The following SORCS3 variants were observed in gnomAD, a reference collection of about 807,000 sequenced individuals.
SORCS3 encodes the protein VPS10 domain-containing receptor SorCS3.
In SORCS3, 57 loss-of-function variants were observed where a neutral mutation model predicts 146.3. That is an observed-to-expected ratio of 0.39 (90% CI 0.31 to 0.49). The LOEUF (loss-of-function observed/expected upper bound fraction) is 0.49, where lower values mean the gene tolerates loss of function less well. Among genes scored for constraint, SORCS3 ranks in the 20% least tolerant of loss-of-function variants. SORCS3 has a pLI of 0.92. For missense variants in SORCS3, 1,341 were observed against 1,575.5 expected (o/e 0.85, Z 2.52); for synonymous variants, 653 against 618.5 (o/e 1.06, Z -0.83).
rs147832055 is a variant in SORCS3, at chr10:104,905,209, T to G, written c.696-10624T>G. On this transcript the variant is annotated intron_variant, in intron 2 of 26. Coordinates refer to ENST00000369701, the MANE Select transcript of SORCS3 (RefSeq NM_014978.3). Reference sequence around the variant, plus strand: ...AGAGAGCAGAGCAATCACTCCATAATTTTTACAAAGGAAGAGATAAATGAA... The same window carrying G: ...AGAGAGCAGAGCAATCACTCCATAAGTTTTACAAAGGAAGAGATAAATGAA... Among the ~76,000 whole-genome samples, 846 of 152,282 alleles carry G rather than the reference T, an allele frequency of 5.6e-3. 14 individuals carry two copies. Among genetic ancestry groups the G allele is most frequent in the African/African-American group, 0.019 (786 of 41,534 alleles).
At position 104,945,236 on chromosome 10, in the gene SORCS3, C is replaced by CTGTTT. The variant is rs10528591; in HGVS notation, c.795+29331_795+29335dup. 5.6e-3 allele frequency among the ~76,000 whole-genome samples: 848 copies of CTGTTT among 151,444 alleles called. 6 individuals are homozygous for CTGTTT. The highest frequency in any genetic ancestry group is 0.016 in the African/African-American group (668 of 41,016). On this transcript the variant is annotated intron_variant, in intron 3 of 26. Coordinates refer to ENST00000369701, the MANE Select transcript of SORCS3 (RefSeq NM_014978.3). The stretch of plus-strand genomic sequence containing the variant: ...GGGTTTCTGAGGTGTTGCTAATTTT[C>CTGTTT]TGTTTTGTTTTGTTTTGTTTTGTTT...
chr10:104,860,503 G>A (rs2018388505), intron 2 of SORCS3, among the ~76,000 whole-genome samples: 1 of 148,656 alleles, frequency 6.7e-6, no homozygotes, highest in Non-Finnish European at 1.5e-5. Context: ...ACACCAGCAT[G>A]GCACATGTAT....
chr10:104,758,175 C>T lies in SORCS3; in HGVS notation c.628-84617C>T, dbSNP rs532090741. Among the ~76,000 whole-genome samples the T allele has an allele frequency of 8.5e-5, 13 of 152,104 alleles. No homozygotes were observed. In the South Asian group the frequency reaches 2.7e-3, roughly 32 times the overall value. ...TGTTTCGAGGCAAGGAAAATTCTGG[C>T]AGGATCCGTTTGCATATATATTGAG... On this transcript the variant is annotated intron_variant, in intron 1 of 26. Transcript: ENST00000369701.
chr10:105,114,525 A>G (rs1449509514), intron 7 of SORCS3, among the ~76,000 whole-genome samples: 3 of 152,138 alleles, frequency 2.0e-5, no homozygotes, highest in Non-Finnish European at 4.4e-5. Flanking sequence ...GGAAAAGGGC[A>G]TGGTTTTTAG....
chr10:105,089,372 G>C (rs1419457281), intron 5 of SORCS3, among the ~76,000 whole-genome samples: 2 of 152,222 alleles, frequency 1.3e-5, no homozygotes, highest in African/African-American at 4.8e-5. Context: ...TGGGAGGGCA[G>C]AGGAGGAGGA....
At chr10:104,803,620 A>G (rs1369590359) in intron 1 of SORCS3, among the ~76,000 whole-genome samples, 1 of 152,160 alleles carries the variant, frequency 6.6e-6, no homozygotes, top group African/African-American at 2.4e-5. Context: ...GCCCATCACT[A>G]GCACTTTTTC....
At chr10:104,825,345 A>G (rs1175206033) in intron 1 of SORCS3, among the ~76,000 whole-genome samples, 1 of 152,198 alleles carries the variant, frequency 6.6e-6, no homozygotes, top group African/African-American at 2.4e-5. Flanking sequence ...CAATAGGGTA[A>G]GCCCCTTTCC....
chr10:104,869,911 A>G (rs2018500769), intron 2 of SORCS3, among the ~76,000 whole-genome samples: 1 of 152,202 alleles, frequency 6.6e-6, no homozygotes, highest in Non-Finnish European at 1.5e-5. Context: ...ACTGCAAGTA[A>G]TTTTCCATCA....
chr10:105,166,143 G>T (rs972660810), intron 12 of SORCS3, among the ~76,000 whole-genome samples: 18 of 152,214 alleles, frequency 1.2e-4, no homozygotes, highest in South Asian at 4.1e-4. Context: ...TTTCTTTGAA[G>T]ATAAATATGT....
intron 3 of SORCS3, among the ~76,000 whole-genome samples, chr10:104,969,303 T>TTGTGTGTGTGTG (rs59557629): frequency 4.3e-5 from 6 of 140,558 alleles, no homozygotes; most frequent in African/African-American, 1.1e-4. Flanking sequence ...TCAAAAAGGA[T>TTGTGTGTGTGTG]TGTGTGTGTG....
At chr10:105,107,471 A>G (rs2055830550) in intron 7 of SORCS3, among the ~76,000 whole-genome samples, 3 of 152,168 alleles carry the variant, frequency 2.0e-5, no homozygotes, top group South Asian at 2.1e-4. Flanking sequence ...CTTGTGTTCC[A>G]TAAAGTTTGC....
chr10:104,814,565 A>G (rs1261289739), intron 1 of SORCS3, among the ~76,000 whole-genome samples: 2 of 152,146 alleles, frequency 1.3e-5, no homozygotes, highest in Non-Finnish European at 2.9e-5. Context: ...CAACTTGGAC[A>G]TCAATTTCTC....
intron 4 of SORCS3, among the ~76,000 whole-genome samples, chr10:104,984,883 TA>T (rs1162558835): frequency 6.6e-6 from 1 of 152,184 alleles, no homozygotes; most frequent in Non-Finnish European, 1.5e-5. Context: ...TATCTCAACT[TA>T]AAAATACCTT....
intron 20 of SORCS3, among the ~76,000 whole-genome samples, chr10:105,244,460 T>C (rs2056854232): frequency 6.6e-6 from 1 of 152,084 alleles, no homozygotes; most frequent in Non-Finnish European, 1.5e-5. Context: ...CCTGCAGATA[T>C]GGAGGGTCTA....
intron 5 of SORCS3, among the ~76,000 whole-genome samples, chr10:105,085,657 G>A (rs1335131929): frequency 6.6e-6 from 1 of 152,184 alleles, no homozygotes; most frequent in Non-Finnish European, 1.5e-5. Flanking sequence ...CACAAACAAA[G>A]GCACCCTATG....
intron 2 of SORCS3, among the ~76,000 whole-genome samples, chr10:104,884,799 C>T (rs1245380849): frequency 2.0e-5 from 3 of 151,656 alleles, no homozygotes; most frequent in Admixed American, 6.6e-5. Context: ...AGCAGGTACC[C>T]ATCAGCAAAG....
At chr10:104,708,796 T>C (rs1034979757) in intron 1 of SORCS3, among the ~76,000 whole-genome samples, 1 of 152,232 alleles carries the variant, frequency 6.6e-6, no homozygotes, top group African/African-American at 2.4e-5. Context: ...CAGACTGCAC[T>C]GGGTGCCTTT....
chr10:105,012,067 G>A (rs993040026), intron 4 of SORCS3, among the ~76,000 whole-genome samples: 1 of 152,186 alleles, frequency 6.6e-6, no homozygotes, highest in African/African-American at 2.4e-5. Context: ...GAGAGCATAA[G>A]TTTCAGAGCA....
intron 7 of SORCS3, among the ~76,000 whole-genome samples, chr10:105,124,193 A>G (rs2055955805): frequency 6.6e-6 from 1 of 152,202 alleles, no homozygotes; most frequent in Non-Finnish European, 1.5e-5. Flanking sequence ...GAATAGCTCC[A>G]CAGCCCAAGC....
Sources: gnomAD v4.1 joint callset for allele counts (sites outside exome capture counted in the v4.1 genomes callset) on GRCh38, gnomAD v4.1.1 for gene constraint, MANE v1.5 for transcripts, NCBI Gene and HGNC (gene_info 2026-07-23, HGNC 2026-07-21) for gene names.